The following PTPRN2 variants were observed in gnomAD, a reference collection of about 807,000 sequenced individuals.
The protein encoded by PTPRN2 is protein tyrosine phosphatase receptor type N2, also known as receptor-type tyrosine-protein phosphatase N2.
A neutral mutation model predicts 118.8 loss-of-function variants in PTPRN2; 74 were observed. That is an observed-to-expected ratio of 0.62 (90% CI 0.52 to 0.76). The LOEUF is 0.76. PTPRN2 is among the 30% of genes least tolerant of loss of function. The pLI, the probability that PTPRN2 is intolerant of heterozygous loss-of-function variation, is 0.00. For missense variants in PTPRN2, 1,481 were observed against 1,394.4 expected, an observed-to-expected ratio of 1.06 and a Z score of -0.99; for synonymous variants, 641 against 608.0, an observed-to-expected ratio of 1.05 and a Z score of -0.80.
intron 15 of PTPRN2, among the ~76,000 whole-genome samples, chr7:157,605,785 A>G (rs530180570): frequency 2.0e-5 from 3 of 152,090 alleles, no homozygotes; most frequent in Non-Finnish European, 4.4e-5. Context: ...TGGGGCATTT[A>G]TGGGCCTCAG....
intron 3 of PTPRN2, among the ~76,000 whole-genome samples, chr7:158,222,257 A>T (rs1477172642): frequency 6.6e-6 from 1 of 152,184 alleles, no homozygotes; most frequent in Non-Finnish European, 1.5e-5. Flanking sequence ...TCATCCTACC[A>T]AAAAGACACA....
intron 3 of PTPRN2, among the ~76,000 whole-genome samples, chr7:158,244,963 C>T (rs1431515420): frequency 2.0e-5 from 3 of 152,186 alleles, no homozygotes; most frequent in Admixed American, 6.5e-5. Flanking sequence ...CAGGCCTGAG[C>T]GAGGCCAGCA....
At chr7:158,076,491 C>T (rs991323067) in intron 11 of PTPRN2, among the ~76,000 whole-genome samples, 2 of 152,266 alleles carry the variant, frequency 1.3e-5, no homozygotes, top group African/African-American at 4.8e-5. Flanking sequence ...CCGGGGCCAA[C>T]CTGCCTGTGT....
chr7:157,790,046 G>T (rs1275868565), intron 12 of PTPRN2, among the ~76,000 whole-genome samples: 1 of 127,472 alleles, frequency 7.8e-6, no homozygotes, highest in African/African-American at 3.0e-5. Flanking sequence ...GGTGTGTGTG[G>T]TGTTTGTGTG....
intron 5 of PTPRN2, among the ~76,000 whole-genome samples, chr7:158,174,272 AC>A (rs1223500186): frequency 6.6e-6 from 1 of 152,002 alleles, no homozygotes; most frequent in Non-Finnish European, 1.5e-5. Context: ...TCCCGCAACA[AC>A]TTCCACCATC....
intron 3 of PTPRN2, among the ~76,000 whole-genome samples, chr7:158,262,595 C>T (rs1321211929): frequency 6.7e-6 from 1 of 149,826 alleles, no homozygotes; most frequent in Non-Finnish European, 1.5e-5. Context: ...CACATTCACA[C>T]ACATTCACAC....
intron 5 of PTPRN2, among the ~76,000 whole-genome samples, chr7:158,191,927 C>A (rs1260028518): frequency 6.6e-6 from 1 of 152,164 alleles, no homozygotes; most frequent in South Asian, 2.1e-4. Context: ...CTAATTCCAG[C>A]CATGTTCATG....
At chr7:157,961,937 C>T (rs532933620) in intron 11 of PTPRN2, among the ~76,000 whole-genome samples, 16 of 152,060 alleles carry the variant, frequency 1.1e-4, no homozygotes, top group African/African-American at 3.4e-4. Context: ...TGTGGAGACC[C>T]GGCGGCCACA....
chr7:157,671,656 A>AG lies in PTPRN2; in HGVS notation c.2001+11068dup, dbSNP rs1437878191. ...AGCTTAATTAAGCCAAAGGAAGGGC[A>AG]GGGGCATGCGGGCTGGGGGCGGAGC... On this transcript the variant is annotated intron_variant, in intron 13 of 22. Transcript: ENST00000389418. The surrounding 1 kb of genome is among the most constrained non-coding windows in gnomAD (Gnocchi z 4.1). Among the ~76,000 whole-genome samples, 1 of 152,128 alleles carries AG rather than the reference A, an allele frequency of 6.6e-6. No homozygotes were observed. Among genetic ancestry groups the AG allele is most frequent in the Non-Finnish European group, 1.5e-5 (1 of 68,012 alleles).
At chr7:157,972,678 G>A (rs867154383) in intron 11 of PTPRN2, among the ~76,000 whole-genome samples, 2 of 136,502 alleles carry the variant, frequency 1.5e-5, no homozygotes, top group South Asian at 2.5e-4. Context: ...TCCACACCAC[G>A]AGAGCAGGGC....
At chr7:157,851,864 G>A (rs945388260) in intron 12 of PTPRN2, among the ~76,000 whole-genome samples, 8 of 152,190 alleles carry the variant, frequency 5.3e-5, no homozygotes, top group East Asian at 3.9e-4. Context: ...CAGCGCTCCC[G>A]CGCCTGCCCT....
rs748146898 is a variant in PTPRN2 at position 157,794,645 on chromosome 7, G to A, written c.1788+104028C>T. 2.6e-5 allele frequency among the ~76,000 whole-genome samples: 4 copies of A among 152,170 alleles called. No homozygotes were observed. The highest frequency in any genetic ancestry group is 2.9e-5 in the Non-Finnish European group (2 of 68,034). On this transcript the variant is annotated intron_variant, in intron 12 of 22. Coordinates refer to ENST00000389418, the MANE Select transcript of PTPRN2 (RefSeq NM_002847.5). The surrounding 1 kb of genome is among the most constrained non-coding windows in gnomAD (Gnocchi z 5.2). The stretch of plus-strand genomic sequence containing the variant: ...CTAAAACCGTAAGTGGGAAAAGTGG[G>A]TGCCTTCTGTATTTTACATTTTTTA...
rs549634054 is a variant in PTPRN2 at position 158,217,581 on chromosome 7, G to A, written c.278-12308C>T. On this transcript the variant is annotated intron_variant, in intron 3 of 22. Transcript: ENST00000389418. ...TTTTTACCTACAAATGAACACACTA[G>A]CTACCCAGCAATGGTTCTTAATCAA... Among the ~76,000 whole-genome samples the A allele has an allele frequency of 3.9e-5, 6 of 152,220 alleles. No homozygotes were observed. In the South Asian group the frequency reaches 8.3e-4, roughly 21 times the overall value.
At position 158,546,181 on chromosome 7, in the gene PTPRN2, G is replaced by C. The variant is rs73729687; in HGVS notation, c.112+41377C>G. ...GAGGACAGGAAGGGGGAAGGGGCTG[G>C]ACACGGCCTGTCTCCTCCCTGAGAG... On this transcript the variant is annotated intron_variant, in intron 1 of 22. Transcript: ENST00000389418. This position sits in a 1 kb window ranked among gnomAD's most constrained non-coding sequence, Gnocchi z 5.0. 6.6e-6 allele frequency among the ~76,000 whole-genome samples: 1 copy of C among 152,272 alleles called. No individual in the cohort carries two copies. The highest frequency in any genetic ancestry group is 2.4e-5 in the African/African-American group (1 of 41,550).
At chr7:157,889,086 C>G (rs1339785314) in intron 12 of PTPRN2, among the ~76,000 whole-genome samples, 2 of 152,028 alleles carry the variant, frequency 1.3e-5, no homozygotes, top group Non-Finnish European at 2.9e-5. Flanking sequence ...AACTTTTGGA[C>G]AAAGGAAAAA....
At position 158,151,069 on chromosome 7, in the gene PTPRN2, CCACTCT is replaced by C. The variant is rs1563520517; in HGVS notation, c.911-12560_911-12555del. 4.7e-3 allele frequency among the ~76,000 whole-genome samples: 551 copies of C among 118,372 alleles called. 42 individuals carry two copies. The highest frequency in any genetic ancestry group is 5.7e-3 in the Non-Finnish European group (307 of 54,078). The allele number at this position is 118,372 out of a possible 152,430, so 77.7% of individuals were successfully genotyped here. On this transcript the variant is annotated intron_variant, in intron 6 of 22. Coordinates refer to ENST00000389418, the MANE Select transcript of PTPRN2 (RefSeq NM_002847.5). ...CTGCCTGCCCACACTGCCCGCCTTT[CCACTCT>C]TGCCCCTGCCTGCCCAAACCGCCCG...
chr7:158,369,964 G>C (rs1281570011), intron 2 of PTPRN2, among the ~76,000 whole-genome samples: 3 of 152,210 alleles, frequency 2.0e-5, no homozygotes, highest in African/African-American at 7.2e-5. Flanking sequence ...TCAGCGGGCA[G>C]GAGGCCCAGT....
chr7:157,755,307 G>T (rs2150995234), intron 12 of PTPRN2, among the ~76,000 whole-genome samples: 1 of 152,340 alleles, frequency 6.6e-6, no homozygotes, highest in Admixed American at 6.5e-5. Context: ...TGTGCCAAAT[G>T]TTGAGAAAAT....
intron 2 of PTPRN2, among the ~76,000 whole-genome samples, chr7:158,331,182 TCACACGCA>T (rs1804346856): frequency 8.1e-5 from 1 of 12,416 alleles, no homozygotes; most frequent in Non-Finnish European, 1.6e-4. Flanking sequence ...AGAAGAGCTG[TCACACGCA>T]GACGTCACTC....
Sources: gnomAD v4.1 joint callset for allele counts (sites outside exome capture counted in the v4.1 genomes callset) on GRCh38, gnomAD v4.1.1 for gene constraint, Gnocchi (gnomAD v3.1) non-coding constraint, MANE v1.5 for transcripts, NCBI Gene and HGNC (gene_info 2026-07-23, HGNC 2026-07-21) for gene names.